KL: variants seen among roughly 807,000 people sequenced by gnomAD.
The protein encoded by KL is klotho, also known as alpha-klotho.
Under a neutral mutation model 84.2 loss-of-function variants are expected in KL, and 62 were observed. The observed-to-expected ratio is 0.74, with a 90% CI of 0.60 to 0.91. The LOEUF is 0.91. Among genes scored for constraint, KL ranks in the 40% least tolerant of loss-of-function variants. The probability of loss-of-function intolerance (pLI) is 0.00; values close to 1 mark genes in which losing one functional copy is unlikely to be tolerated. For synonymous variants in KL, 528 were observed against 528.0 expected, an observed-to-expected ratio of 1.00 and a Z score of 0.00; for missense variants, 1,261 against 1,305.7, an observed-to-expected ratio of 0.97 and a Z score of 0.53.
chr13:33,060,899 A>G lies in KL; in HGVS notation c.1820A>G (p.Asn607Ser). 6.2e-7 allele frequency: 1 copy of G among 1,614,178 alleles called. No homozygotes were observed. Among genetic ancestry groups the G allele is most frequent in the Non-Finnish European group, 8.5e-7 (1 of 1,180,012 alleles). The change falls in exon 4 of 5, where the codon AAC (asparagine) becomes AGC (serine). Residue 607 changes from asparagine to serine, a missense_variant. By Grantham distance (46) the Asn-to-Ser change is conservative. Coordinates refer to ENST00000380099, the MANE Select transcript of KL (RefSeq NM_004795.4). Reference protein sequence around the residue: ...LDWALILPLGNQSQVNHTILQ... With the variant: ...LDWALILPLGSQSQVNHTILQ... ...TGGGCCCTGATTCTCCCTCTGGGTAACCAGTCCCAGGTGAACCACACCATC... is the reference window on the plus strand; with the variant it reads ...TGGGCCCTGATTCTCCCTCTGGGTAGCCAGTCCCAGGTGAACCACACCATC...
At chr13:33,051,653 C>A (rs899217946) in intron 1 of KL, among the ~76,000 whole-genome samples, 1 of 152,160 alleles carries the variant, frequency 6.6e-6, no homozygotes. Context: ...CTCCTCTGAG[C>A]CTTGTTAAAG....
intron 1 of KL, among the ~76,000 whole-genome samples, chr13:33,028,641 G>T (rs1870864520): frequency 6.6e-6 from 1 of 152,148 alleles, no homozygotes; most frequent in African/African-American, 2.4e-5. Context: ...CCCTGGGGAA[G>T]TTTCTGCTGA....
At chr13:33,044,635 ATTTTCTT>A (rs1871454635) in intron 1 of KL, among the ~76,000 whole-genome samples, 1 of 72,292 alleles carries the variant, frequency 1.4e-5, no homozygotes, top group African/African-American at 4.2e-5. Flanking sequence ...AATGCAATTG[ATTTTCTT>A]TTTTTTTTTT....
At chr13:33,037,313 A>G (rs1388265309) in intron 1 of KL, among the ~76,000 whole-genome samples, 1 of 152,048 alleles carries the variant, frequency 6.6e-6, no homozygotes, top group Non-Finnish European at 1.5e-5. Flanking sequence ...TGCCATCTAC[A>G]AAACCGTCAC....
chr13:33,060,090 A>G (rs1238683217), intron 3 of KL, among the ~76,000 whole-genome samples: 1 of 151,962 alleles, frequency 6.6e-6, no homozygotes, highest in African/African-American at 2.4e-5. Flanking sequence ...CAGCCTCCCG[A>G]GCAACTAGGA....
chr13:33,039,399 A>G (rs1205371992), intron 1 of KL, among the ~76,000 whole-genome samples: 3 of 152,210 alleles, frequency 2.0e-5, no homozygotes, highest in Non-Finnish European at 2.9e-5. Flanking sequence ...ATAATTCCAC[A>G]TTATTGGATG....
intron 1 of KL, among the ~76,000 whole-genome samples, chr13:33,017,463 T>G (rs1366227407): frequency 1.3e-5 from 2 of 152,100 alleles, no homozygotes; most frequent in South Asian, 2.1e-4. Context: ...GGCACACGAG[T>G]GAGTGCCCCT....
Position 33,064,059 on chromosome 13 carries a change from C to T in KL, c.2912C>T (p.Thr971Ile). The change falls in exon 5 of 5, where the codon ACT becomes ATT. Residue 971 changes from threonine (T) to isoleucine (I), a missense_variant. Thr to Ile is a moderately conservative substitution (Grantham distance 89). Transcript: ENST00000380099. ...TGTCCAGAAGAATTCACCGTGTGTA[C>T]TGAGTGCAGTTTTTTTCACACCCGA... Reference protein sequence around the residue: ...RFCPEEFTVCTECSFFHTRKS... With the variant: ...RFCPEEFTVCIECSFFHTRKS... 4 of 1,614,164 alleles carry T rather than the reference C, an allele frequency of 2.5e-6. No individual in the cohort carries two copies. Among genetic ancestry groups the T allele is most frequent in the Non-Finnish European group, 3.4e-6 (4 of 1,180,000 alleles).
chr13:33,031,608 A>G (rs1870975274), intron 1 of KL, among the ~76,000 whole-genome samples: 2 of 152,246 alleles, frequency 1.3e-5, no homozygotes, highest in African/African-American at 4.8e-5. Context: ...TTAAATAAGA[A>G]CAGACATTTC....
intron 1 of KL, among the ~76,000 whole-genome samples, chr13:33,039,795 C>G (rs2138212353): frequency 6.6e-6 from 1 of 152,208 alleles, no homozygotes; most frequent in Middle Eastern, 3.4e-3. Flanking sequence ...AGGTACAGCC[C>G]TGGATGAGGA....
chr13:33,066,086 A>G lies in KL; in HGVS notation c.*1900A>G, dbSNP rs1196131796. ...TAAAGAGAAGTAATTTTGCTCCTTG[A>G]TAAAGTATTATATTAATAATAAATC... is the stretch of plus-strand genomic sequence containing the variant. On this transcript the variant is annotated 3_prime_UTR_variant, in exon 5 of 5. Transcript: ENST00000380099. The G allele has an allele frequency of 5.8e-6, 1 of 172,156 alleles. No individual in the cohort carries two copies. The highest frequency in any genetic ancestry group is 2.4e-5 in the African/African-American group (1 of 42,110). 10.7% of individuals were successfully genotyped at this position (172,156 alleles called of 1,614,324 possible).
Position 33,032,211 on chromosome 13 carries a change from T to C in KL, c.819+14952T>C, listed in dbSNP as rs138553003. 1.3e-3 allele frequency among the ~76,000 whole-genome samples: 205 copies of C among 152,300 alleles called. 2 individuals are homozygous for C. Among genetic ancestry groups the C allele is most frequent in the African/African-American group, 4.8e-3 (200 of 41,558 alleles). On this transcript the variant is annotated intron_variant, in intron 1 of 4. Transcript: ENST00000380099. ...TTTAACCTTAATTGACATCTGAGAGTGTCATCATTACATCATTACAAAAAC... is the reference window on the plus strand; with the variant it reads ...TTTAACCTTAATTGACATCTGAGAGCGTCATCATTACATCATTACAAAAAC...
chr13:33,063,309 A>T (rs1277406086), intron 4 of KL, among the ~76,000 whole-genome samples: 1 of 151,904 alleles, frequency 6.6e-6, no homozygotes, highest in Admixed American at 6.6e-5. Context: ...CAAGCAGGAC[A>T]GGCAGACCTG....
At chr13:33,038,170 T>C (rs964198280) in intron 1 of KL, among the ~76,000 whole-genome samples, 5 of 152,244 alleles carry the variant, frequency 3.3e-5, no homozygotes, top group Non-Finnish European at 5.9e-5. Flanking sequence ...ACCTATTCTG[T>C]CAAATCCAAA....
intron 3 of KL, among the ~76,000 whole-genome samples, chr13:33,059,731 A>T (rs1369227960): frequency 6.6e-6 from 1 of 152,174 alleles, no homozygotes; most frequent in East Asian, 1.9e-4. Flanking sequence ...TTGGCCCCGC[A>T]AAGTGCCGGG....
intron 1 of KL, among the ~76,000 whole-genome samples, chr13:33,024,661 G>T (rs894120852): frequency 6.6e-6 from 1 of 152,216 alleles, no homozygotes; most frequent in African/African-American, 2.4e-5. Context: ...GCCTCTTGGG[G>T]ATGCTGCTCT....
chr13:33,063,856 A>G lies in KL; in HGVS notation c.2709A>G (p.Ile903Met). The G allele has an allele frequency of 1.2e-6, 2 of 1,613,906 alleles. No individual in the cohort carries two copies. The highest frequency in any genetic ancestry group is 1.1e-5 in the South Asian group (1 of 91,064). ...ATCCTTTTGTTTTTCCAGCCCACAT[A>G]CTGGATGGTATCAATCTTTGCGGAT... ...NYINEALKAHILDGINLCGYF... is the reference protein window; with the variant it reads ...NYINEALKAHMLDGINLCGYF... Residue 903 changes from isoleucine (I) to methionine (M), a missense_variant, in exon 5 of 5, where the codon ATA (isoleucine) becomes ATG (methionine). Transcript: ENST00000380099.
At chr13:33,041,798 G>A (rs1871349092) in intron 1 of KL, among the ~76,000 whole-genome samples, 1 of 152,054 alleles carries the variant, frequency 6.6e-6, no homozygotes, top group Admixed American at 6.5e-5. Flanking sequence ...CCCATCTCAG[G>A]TCCCAGTCTT....
intron 1 of KL, among the ~76,000 whole-genome samples, chr13:33,019,732 T>TGTGTGTGTGAGAGA (rs139721497): frequency 7.5e-6 from 1 of 133,368 alleles, no homozygotes; most frequent in African/African-American, 3.0e-5. Context: ...TGTGTGTGTG[T>TGTGTGTGTGAGAGA]GAGAGAGAGA....
Sources: gnomAD v4.1 joint callset for allele counts (sites outside exome capture counted in the v4.1 genomes callset) on GRCh38, gnomAD v4.1.1 for gene constraint, MANE v1.5 for transcripts, NCBI Gene and HGNC (gene_info 2026-07-23, HGNC 2026-07-21) for gene names.